Variants in MAPK10 observed in about 807,000 individuals in gnomAD.
MAPK10 encodes JNK3 alpha protein kinase.
Under a neutral mutation model 59.3 loss-of-function variants are expected in MAPK10, and 25 were observed. That is an observed-to-expected ratio of 0.42 (90% CI 0.31 to 0.59). MAPK10 has a LOEUF of 0.59. Ranked by LOEUF, MAPK10 falls within the 20% of genes least tolerant of loss-of-function variation. The pLI is 0.15. For missense variants in MAPK10, 351 were observed against 568.9 expected (o/e 0.62, Z 3.90); for synonymous variants, 190 against 200.5 (o/e 0.95, Z 0.44).
chr4:86,222,722 T>G (rs1261196100), intron 2 of MAPK10, among the ~76,000 whole-genome samples: 1 of 152,250 alleles, frequency 6.6e-6, no homozygotes, highest in Non-Finnish European at 1.5e-5. Context: ...TGGAAGTCCA[T>G]TTTGTTCTTG....
chr4:86,514,610 T>C (rs774199484), intron 1 of MAPK10, among the ~76,000 whole-genome samples: 5 of 152,190 alleles, frequency 3.3e-5, no homozygotes, highest in Non-Finnish European at 4.4e-5. Flanking sequence ...CAATTTTCTA[T>C]GTGTACATTT....
chr4:86,119,583 C>CAAAAAAAAAAAAAAAAAA (rs1200405289), intron 4 of MAPK10: 1 of 52,672 alleles, frequency 1.9e-5, no homozygotes, highest in African/African-American at 5.2e-5. Flanking sequence ...GACTCCATCA[C>CAAAAAAAAAAAAAAAAAA]AAAAAAAAAA....
chr4:86,291,633 T>C (rs1349445102), intron 2 of MAPK10, among the ~76,000 whole-genome samples: 1 of 152,216 alleles, frequency 6.6e-6, no homozygotes, highest in Non-Finnish European at 1.5e-5. Context: ...TAGATTTACA[T>C]TTATACCGTA....
At chr4:86,559,253 C>T (rs1760492679) in intron 1 of MAPK10, among the ~76,000 whole-genome samples, 1 of 150,798 alleles carries the variant, frequency 6.6e-6, no homozygotes. Context: ...TGACTAGCAA[C>T]TTTTTTGGAG....
At chr4:86,021,817 G>T (rs1747126889) in intron 13 of MAPK10, among the ~76,000 whole-genome samples, 1 of 152,224 alleles carries the variant, frequency 6.6e-6, no homozygotes, top group African/African-American at 2.4e-5. Flanking sequence ...ACTGCTGGGG[G>T]ACCCAGTACA....
intron 1 of MAPK10, 146 bp downstream of exon 1, chr4:86,359,512 G>T: frequency 5.2e-6 from 1 of 193,624 alleles, no homozygotes; most frequent in Non-Finnish European, 9.5e-6. Flanking sequence ...TTGCTTCAAA[G>T]CTAGTTCACT....
intron 1 of MAPK10, among the ~76,000 whole-genome samples, chr4:86,466,085 A>T (rs557011389): frequency 6.6e-6 from 1 of 152,326 alleles, no homozygotes; most frequent in African/African-American, 2.4e-5. Context: ...TCACTTTATG[A>T]CAGTTACACA....
intron 1 of MAPK10, among the ~76,000 whole-genome samples, chr4:86,468,943 C>A (rs1257999801): frequency 6.6e-6 from 1 of 152,040 alleles, no homozygotes; most frequent in Non-Finnish European, 1.5e-5. Context: ...TTAGAATTCC[C>A]AATTGACCAG....
intron 1 of MAPK10, among the ~76,000 whole-genome samples, chr4:86,547,786 C>T (rs1216427175): frequency 6.6e-6 from 1 of 152,194 alleles, no homozygotes; most frequent in Non-Finnish European, 1.5e-5. Context: ...CTGTATCTAG[C>T]TCAAGGTTTG....
chr4:86,048,569 C>G (rs1579155335), intron 11 of MAPK10, among the ~76,000 whole-genome samples: 1 of 151,952 alleles, frequency 6.6e-6, no homozygotes, highest in South Asian at 2.1e-4. Context: ...AAAACAAAAG[C>G]AAATGAACAA....
intron 13 of MAPK10, among the ~76,000 whole-genome samples, chr4:86,018,338 A>G (rs1287790194): frequency 7.0e-6 from 1 of 142,076 alleles, no homozygotes; most frequent in Non-Finnish European, 1.5e-5. Context: ...CATAAGTAGG[A>G]CTGTTGATGA....
intron 2 of MAPK10, among the ~76,000 whole-genome samples, chr4:86,338,802 T>C (rs1723120385): frequency 6.6e-6 from 1 of 152,134 alleles, no homozygotes; most frequent in Non-Finnish European, 1.5e-5. Context: ...ATGAAAGTGC[T>C]TGGTAATGAT....
chr4:86,223,076 C>T (rs1490262786), intron 2 of MAPK10, among the ~76,000 whole-genome samples: 1 of 152,208 alleles, frequency 6.6e-6, no homozygotes, highest in African/African-American at 2.4e-5. Context: ...ACATGCTCAA[C>T]ATCTTTTAAG....
Position 86,122,148 on chromosome 4 carries a change from A to G in MAPK10, c.237-14796T>C, listed in dbSNP as rs910368693. ...AAAAGTCAGATAGAGCCAAGTGAGGACTGTAAGGTGGATGCCTAAAATTGC... is the reference window on the plus strand; with the variant it reads ...AAAAGTCAGATAGAGCCAAGTGAGGGCTGTAAGGTGGATGCCTAAAATTGC... On this transcript the variant is annotated intron_variant, in intron 4 of 13. Transcript: ENST00000641462. 7.9e-5 allele frequency among the ~76,000 whole-genome samples: 12 copies of G among 152,278 alleles called. No individual in the cohort carries two copies. In the East Asian group the frequency reaches 2.3e-3, roughly 29 times the overall value.
At chr4:86,538,354 C>T (rs1214889718) in intron 1 of MAPK10, among the ~76,000 whole-genome samples, 1 of 152,124 alleles carries the variant, frequency 6.6e-6, no homozygotes, top group African/African-American at 2.4e-5. Context: ...CCATGTTGGT[C>T]AGGCTGGTCT....
intron 9 of MAPK10, among the ~76,000 whole-genome samples, chr4:86,071,145 A>G (rs1334095166): frequency 6.6e-6 from 1 of 152,082 alleles, no homozygotes; most frequent in Non-Finnish European, 1.5e-5. Context: ...ATGGCCAGTG[A>G]TGATGAGCAT....
At chr4:86,022,288 T>C (rs1028115048) in intron 13 of MAPK10, among the ~76,000 whole-genome samples, 2 of 152,254 alleles carry the variant, frequency 1.3e-5, no homozygotes, top group African/African-American at 2.4e-5. Flanking sequence ...CTAGCCATCC[T>C]AGTGTGCATG....
chr4:86,229,717 G>GAAA (rs56738965), intron 2 of MAPK10, among the ~76,000 whole-genome samples: 2 of 150,094 alleles, frequency 1.3e-5, no homozygotes, highest in African/African-American at 4.9e-5. Flanking sequence ...TTTATTTTAT[G>GAAA]AAAAAAAAAA....
chr4:86,576,724 G>A (rs1761923956), intron 1 of MAPK10, among the ~76,000 whole-genome samples: 1 of 151,720 alleles, frequency 6.6e-6, no homozygotes, highest in South Asian at 2.1e-4. Flanking sequence ...GCAGTGAGCC[G>A]AGATCGCGCC....
Sources: gnomAD v4.1 joint callset for allele counts (sites outside exome capture counted in the v4.1 genomes callset) on GRCh38, gnomAD v4.1.1 for gene constraint, MANE v1.5 for transcripts, NCBI Gene and HGNC (gene_info 2026-07-23, HGNC 2026-07-21) for gene names.